Variants in FAM114A2 observed in about 807,000 individuals in gnomAD.
FAM114A2 encodes the protein family with sequence similarity 114 member A2, also known as protein FAM114A2.
A neutral mutation model predicts 58.4 loss-of-function variants in FAM114A2; 53 were observed. That is an observed-to-expected ratio of 0.91 (90% CI 0.73 to 1.14). The LOEUF (loss-of-function observed/expected upper bound fraction) is 1.14. Among genes scored for constraint, FAM114A2 ranks in the 50% most tolerant of loss-of-function variants. The probability of loss-of-function intolerance (pLI) is 0.00; values close to 1 mark genes in which losing one functional copy is unlikely to be tolerated. For synonymous variants in FAM114A2, 228 were observed against 211.4 expected (o/e 1.08, Z -0.68); for missense variants, 601 against 581.1 (o/e 1.03, Z -0.35).
At chr5:154,026,606 T>G (rs1228572223) in intron 7 of FAM114A2, 84 bp from the exon 8 acceptor site, 15 of 983,690 alleles carry the variant, frequency 1.5e-5, no homozygotes, top group Non-Finnish European at 2.1e-5. Flanking sequence ...TATAAAAAGA[T>G]CATATTGAAG....
chr5:154,019,476 C>G (rs1771257297), intron 8 of FAM114A2, among the ~76,000 whole-genome samples: 1 of 152,082 alleles, frequency 6.6e-6, no homozygotes, highest in East Asian at 1.9e-4. Context: ...TCTACAAATT[C>G]AACACTATCC....
At chr5:154,027,372 T>C (rs761661638) in intron 6 of FAM114A2, 38 bp from the exon 7 acceptor site, 6 of 1,573,718 alleles carry the variant, frequency 3.8e-6, no homozygotes, top group Non-Finnish European at 4.3e-6. Context: ...TAGCAAACAA[T>C]GAGAGCTCAA....
chr5:154,006,699 A>G (rs1298345607), intron 9 of FAM114A2, among the ~76,000 whole-genome samples: 1 of 152,184 alleles, frequency 6.6e-6, no homozygotes, highest in East Asian at 1.9e-4. Flanking sequence ...TAAAAAAATG[A>G]AGGATTAATT....
intron 9 of FAM114A2, among the ~76,000 whole-genome samples, chr5:154,009,793 C>T (rs1321868921): frequency 3.9e-5 from 6 of 151,952 alleles, no homozygotes; most frequent in Admixed American, 1.3e-4. Context: ...AAAACACCAA[C>T]GTCATAAAAG....
intron 6 of FAM114A2, among the ~76,000 whole-genome samples, chr5:154,027,874 AAAAC>A (rs879922874): frequency 4.8e-4 from 73 of 152,226 alleles, no homozygotes; most frequent in African/African-American, 1.6e-3. Context: ...TTTAAACATT[AAAAC>A]AAACAAACAA....
At chr5:154,007,465 G>A (rs1770429605) in intron 9 of FAM114A2, among the ~76,000 whole-genome samples, 1 of 152,136 alleles carries the variant, frequency 6.6e-6, no homozygotes. Context: ...CTACATCACA[G>A]CCTGCCATAT....
intron 8 of FAM114A2, among the ~76,000 whole-genome samples, chr5:154,013,744 T>C (rs1398581275): frequency 6.6e-6 from 1 of 152,190 alleles, no homozygotes. Flanking sequence ...CAAGGCTTGA[T>C]TAGGAAATTA....
chr5:154,002,253 G>C lies in FAM114A2; in HGVS notation c.1254C>G (p.Ser418=), dbSNP rs774611281. 4 of 1,613,346 alleles carry C rather than the reference G, an allele frequency of 2.5e-6. No individual in the cohort carries two copies. In the South Asian group the frequency reaches 4.4e-5, roughly 18 times the overall value. The change falls in exon 11 of 14, where the codon TCC becomes TCG. Residue 418 remains serine (S), a splice_region_variant and synonymous_variant. Transcript: ENST00000351797. ...VTAIERSQTL[S]QMTIVLCKEL... ...AGAGGAATTCTCATTACACTTACTG[G>C]GAAAGAGTTTGGCTCCTTTCTATGG... is the stretch of plus-strand genomic sequence containing the variant.
chr5:154,037,595 C>G (rs1216909472), intron 1 of FAM114A2, among the ~76,000 whole-genome samples: 1 of 152,140 alleles, frequency 6.6e-6, no homozygotes, highest in Non-Finnish European at 1.5e-5. Context: ...TATGCTCTCT[C>G]CAGGTTGCAA....
chr5:154,028,230 C>CT lies in FAM114A2; in HGVS notation c.548dup (p.Thr184AspfsTer13). On this transcript the variant is annotated frameshift_variant, in exon 6 of 14. Coordinates refer to ENST00000351797, the MANE Select transcript of FAM114A2 (RefSeq NM_018691.4). LOFTEE classifies it high-confidence loss of function. The stretch of plus-strand genomic sequence containing the variant: ...CCCCTTCTGCTATCACATCCATTGT[C>CT]TTTTTTCCAATGAATTCTAAGGCAT... 6.2e-7 allele frequency: 1 copy of CT among 1,610,794 alleles called. No homozygotes were observed. Among genetic ancestry groups the CT allele is most frequent in the South Asian group, 1.1e-5 (1 of 90,908 alleles).
At chr5:154,028,361 A>AT in intron 5 of FAM114A2, 78 bp from the exon 6 acceptor site, 1 of 1,000,184 alleles carries the variant, frequency 1.0e-6, no homozygotes, top group Non-Finnish European at 1.4e-6. Context: ...TATTTATTAT[A>AT]TAAAAATAGT....
chr5:154,004,304 T>C (rs147839862), intron 9 of FAM114A2, among the ~76,000 whole-genome samples: 115 of 152,314 alleles, frequency 7.6e-4, no homozygotes, highest in African/African-American at 2.6e-3. Flanking sequence ...CTTTTATATA[T>C]TGATCCTAAC....
intron 9 of FAM114A2, 107 bp downstream of exon 9, chr5:154,011,134 C>A: frequency 2.5e-6 from 2 of 807,982 alleles, no homozygotes; most frequent in Non-Finnish European, 4.1e-6. Flanking sequence ...CGAGAATATA[C>A]CTTCGATTTT....
At chr5:154,028,861 G>C (rs1771982266) in intron 5 of FAM114A2, among the ~76,000 whole-genome samples, 1 of 152,146 alleles carries the variant, frequency 6.6e-6, no homozygotes, top group African/African-American at 2.4e-5. Flanking sequence ...GAGGGGGAGA[G>C]CAGAAGACAC....
intron 8 of FAM114A2, among the ~76,000 whole-genome samples, chr5:154,022,622 A>G (rs1486599442): frequency 2.0e-5 from 3 of 152,242 alleles, no homozygotes; most frequent in South Asian, 2.1e-4. Flanking sequence ...CGATCATTAA[A>G]AAGTCAGGAC....
At chr5:154,018,310 A>G (rs1771179488) in intron 8 of FAM114A2, among the ~76,000 whole-genome samples, 2 of 152,190 alleles carry the variant, frequency 1.3e-5, no homozygotes, top group African/African-American at 4.8e-5. Flanking sequence ...GAAAACCTAG[A>G]GGAGACGGAT....
In FAM114A2 at chr5:153,992,314, G is replaced by A. The variant is rs1450843192; in HGVS notation, c.*662C>T. 2.0e-5 allele frequency: 3 copies of A among 152,148 alleles called. No homozygotes were observed. The highest frequency in any genetic ancestry group is 6.5e-5 in the Admixed American group (1 of 15,284). The allele number at this position is 152,148 out of a possible 1,614,324, so 9.4% of individuals were successfully genotyped here. A position where few individuals can be genotyped will look rare whatever the true frequency, so the allele number is the denominator to read the frequency against. On this transcript the variant is annotated 3_prime_UTR_variant, in exon 14 of 14. Coordinates refer to ENST00000351797, the MANE Select transcript of FAM114A2 (RefSeq NM_018691.4). ...GCTATGACATGAAGTGTGTCATCCT[G>A]GGGAGGGGGAGCAATTTGAAGAAAA...
intron 13 of FAM114A2, 28 bp from the exon 14 acceptor site, chr5:153,993,138 G>A (rs767891601): frequency 6.3e-7 from 1 of 1,585,774 alleles, no homozygotes; most frequent in South Asian, 1.1e-5. Context: ...ACAAGAAAAA[G>A]AAAATATTAG....
intron 12 of FAM114A2, among the ~76,000 whole-genome samples, chr5:153,995,539 A>T (rs1359471897): frequency 6.6e-6 from 1 of 152,172 alleles, no homozygotes; most frequent in African/African-American, 2.4e-5. Context: ...AATAATCTAA[A>T]CTCAAATTTT....
Sources: gnomAD v4.1 joint callset for allele counts (sites outside exome capture counted in the v4.1 genomes callset) on GRCh38, gnomAD v4.1.1 for gene constraint, MANE v1.5 for transcripts, NCBI Gene and HGNC (gene_info 2026-07-23, HGNC 2026-07-21) for gene names.